NAV3: variants seen among roughly 807,000 people sequenced by gnomAD.
NAV3 encodes the protein pore membrane and/or filament interacting like protein 1.
In NAV3, 87 loss-of-function variants were observed where a neutral mutation model predicts 244.7. That is an observed-to-expected ratio of 0.36 (90% CI 0.30 to 0.42). The LOEUF (loss-of-function observed/expected upper bound fraction) is 0.42. Among genes scored for constraint, NAV3 ranks in the 20% least tolerant of loss-of-function variants. The pLI, the probability that NAV3 is intolerant of heterozygous loss-of-function variation, is 1.00. For missense variants in NAV3, 2,663 were observed against 2,893.3 expected (o/e 0.92, Z 1.83); for synonymous variants, 1,126 against 1,042.2 (o/e 1.08, Z -1.55).
intron 1 of NAV3, among the ~76,000 whole-genome samples, chr12:77,853,545 A>G (rs1877879230): frequency 6.6e-6 from 1 of 152,196 alleles, no homozygotes; most frequent in Admixed American, 6.5e-5. Flanking sequence ...AAATTTCAAA[A>G]CTATTCTATG....
intron 1 of NAV3, among the ~76,000 whole-genome samples, chr12:77,919,685 A>G (rs1052515400): frequency 6.6e-6 from 1 of 152,100 alleles, no homozygotes; most frequent in African/African-American, 2.4e-5. Flanking sequence ...ACTTCATATT[A>G]ATTTAGCAAA....
At chr12:78,042,600 A>C (rs1881053273) in intron 9 of NAV3, among the ~76,000 whole-genome samples, 1 of 151,996 alleles carries the variant, frequency 6.6e-6, no homozygotes, top group African/African-American at 2.4e-5. Context: ...CAAGAGCATT[A>C]TGACCAACAT....
At position 78,128,716 on chromosome 12, in the gene NAV3, T is replaced by C. The variant is rs368846936; in HGVS notation, c.4291T>C (p.Ser1431Pro). Residue 1431 changes from serine (S) to proline (P), a missense_variant, in exon 18 of 40, where the codon TCA becomes CCA. Ser to Pro is a moderately conservative substitution (Grantham distance 74). Transcript: ENST00000397909. ...LPKKGLRYTPSSRQANQEEGK... is the reference protein window; with the variant it reads ...LPKKGLRYTPPSRQANQEEGK... ...TGTGCTGTTTTGCAGATATACCCCATCATCTCGGCAGGCCAACCAAGAAGA... is the reference window on the plus strand; with the variant it reads ...TGTGCTGTTTTGCAGATATACCCCACCATCTCGGCAGGCCAACCAAGAAGA... The C allele has an allele frequency of 8.7e-6, 14 of 1,613,734 alleles. No individual in the cohort carries two copies. Among genetic ancestry groups the C allele is most frequent in the Non-Finnish European group, 1.2e-5 (14 of 1,179,880 alleles).
chr12:77,688,622 C>T (rs754917962), intron 2 of NAV3, among the ~76,000 whole-genome samples: 8 of 152,000 alleles, frequency 5.3e-5, no homozygotes, highest in Non-Finnish European at 1.2e-4. Context: ...TACCAGTGAT[C>T]AAAGTACAGT....
chr12:77,709,568 G>A (rs1468018435), intron 2 of NAV3, among the ~76,000 whole-genome samples: 2 of 152,152 alleles, frequency 1.3e-5, no homozygotes, highest in African/African-American at 4.8e-5. Flanking sequence ...ATATCAAACA[G>A]TGTTTTAAAT....
chr12:77,695,836 C>T (rs764774342), intron 2 of NAV3, among the ~76,000 whole-genome samples: 9 of 152,068 alleles, frequency 5.9e-5, no homozygotes, highest in Non-Finnish European at 1.2e-4. Flanking sequence ...ATCCTACCCT[C>T]AGTGCCTCAA....
intron 1 of NAV3, among the ~76,000 whole-genome samples, chr12:77,903,335 T>A (rs1885543561): frequency 6.6e-6 from 1 of 152,004 alleles, no homozygotes; most frequent in Admixed American, 6.6e-5. Flanking sequence ...TCAGAAATAA[T>A]GCCGCATATC....
chr12:77,881,689 C>T (rs1240359446), intron 1 of NAV3, among the ~76,000 whole-genome samples: 2 of 152,040 alleles, frequency 1.3e-5, no homozygotes, highest in Non-Finnish European at 2.9e-5. Context: ...TAAGACTCTT[C>T]CAAAAGACTC....
At chr12:77,646,305 G>A (rs772491724) in intron 2 of NAV3, among the ~76,000 whole-genome samples, 11 of 152,236 alleles carry the variant, frequency 7.2e-5, no homozygotes, top group Admixed American at 1.3e-4. Flanking sequence ...ATAATTTTAG[G>A]TGAAAAGAGT....
chr12:78,181,434 G>T (rs1158246479), intron 30 of NAV3, among the ~76,000 whole-genome samples: 1 of 151,962 alleles, frequency 6.6e-6, no homozygotes, highest in Non-Finnish European at 1.5e-5. Flanking sequence ...TTCTAAATCT[G>T]ACTTGATGAA....
intron 23 of NAV3, among the ~76,000 whole-genome samples, chr12:78,160,406 T>TGTGTGTGTGC (rs1555184847): frequency 6.5e-5 from 9 of 138,820 alleles, no homozygotes; most frequent in African/African-American, 1.1e-4. Flanking sequence ...TGTGCGTGCG[T>TGTGTGTGTGC]GTGTGTGTGT....
chr12:78,103,024 C>T (rs1954616626), intron 12 of NAV3, among the ~76,000 whole-genome samples: 1 of 152,128 alleles, frequency 6.6e-6, no homozygotes, highest in Non-Finnish European at 1.5e-5. Flanking sequence ...ACACTGGCTC[C>T]TTGTTACTTA....
At chr12:78,197,806 A>G (rs1157033901) in intron 35 of NAV3, among the ~76,000 whole-genome samples, 2 of 152,082 alleles carry the variant, frequency 1.3e-5, no homozygotes, top group South Asian at 2.1e-4. Flanking sequence ...TTCTGCAGAC[A>G]TGATGAACAT....
intron 23 of NAV3, among the ~76,000 whole-genome samples, chr12:78,164,630 A>G (rs1593863398): frequency 6.6e-6 from 1 of 152,034 alleles, no homozygotes; most frequent in African/African-American, 2.4e-5. Flanking sequence ...TATTTACACT[A>G]CTGGTATTTG....
At chr12:77,780,975 T>A (rs1268757822) in intron 2 of NAV3, among the ~76,000 whole-genome samples, 2 of 152,204 alleles carry the variant, frequency 1.3e-5, no homozygotes, top group Non-Finnish European at 2.9e-5. Context: ...GGCTTAAGTA[T>A]ACTTCCTAGG....
In NAV3 at chr12:77,775,434, T is replaced by G. The variant is rs114851456; in HGVS notation, c.73-164885T>G. ...AAAAAGTGTGTCATTTTTTGGCTCTTTAAGCTGTATCTTGCAAAACTTAAT... is the reference window on the plus strand; with the variant it reads ...AAAAAGTGTGTCATTTTTTGGCTCTGTAAGCTGTATCTTGCAAAACTTAAT... On this transcript the variant is annotated intron_variant, in intron 2 of 8. Transcript: ENST00000550042. Among the ~76,000 whole-genome samples, 1,151 of 152,132 alleles carry G rather than the reference T, an allele frequency of 7.6e-3. 19 individuals are homozygous for G. Among genetic ancestry groups the G allele is most frequent in the African/African-American group, 0.027 (1,101 of 41,508 alleles).
At chr12:78,091,634 A>C (rs1406554993) in intron 12 of NAV3, 1 of 151,058 alleles carries the variant, frequency 6.6e-6, no homozygotes. Context: ...GTCTCTACTA[A>C]AAATACAAAA....
intron 12 of NAV3, among the ~76,000 whole-genome samples, chr12:78,059,787 C>A (rs1884062030): frequency 6.6e-6 from 1 of 151,774 alleles, no homozygotes; most frequent in Non-Finnish European, 1.5e-5. Context: ...TAATAAGTTT[C>A]ATTCAGTTCA....
At chr12:78,030,874 A>G (rs538886073) in intron 9 of NAV3, among the ~76,000 whole-genome samples, 1 of 152,316 alleles carries the variant, frequency 6.6e-6, no homozygotes, top group Admixed American at 6.5e-5. Context: ...ATAATGGGAA[A>G]CAAATTCTTC....
Sources: gnomAD v4.1 joint callset for allele counts (sites outside exome capture counted in the v4.1 genomes callset) on GRCh38, gnomAD v4.1.1 for gene constraint, MANE v1.5 for transcripts, NCBI Gene and HGNC (gene_info 2026-07-23, HGNC 2026-07-21) for gene names.